The following CHRNA7 variants were observed in gnomAD, a reference collection of about 807,000 sequenced individuals.
CHRNA7 encodes the protein neuronal acetylcholine receptor subunit alpha-7.
CHRNA7 carries 17 observed loss-of-function variants against 48.0 expected under a neutral mutation model. The ratio of observed to expected loss-of-function variants is 0.35; its 90% confidence interval spans 0.24 to 0.53. The LOEUF (loss-of-function observed/expected upper bound fraction) is 0.53. Among genes scored for constraint, CHRNA7 ranks in the 20% least tolerant of loss-of-function variants. CHRNA7 has a pLI of 0.92. For synonymous variants in CHRNA7, 75 were observed against 242.3 expected, an observed-to-expected ratio of 0.31 and a Z score of 6.41; for missense variants, 155 against 577.7, an observed-to-expected ratio of 0.27 and a Z score of 7.50.
At chr15:32,152,951 G>A (rs1348539793) in intron 4 of CHRNA7, among the ~76,000 whole-genome samples, 1 of 152,082 alleles carries the variant, frequency 6.6e-6, no homozygotes, top group Non-Finnish European at 1.5e-5. Flanking sequence ...TTAACTCCTG[G>A]CTGCAGGAGG....
chr15:32,140,072 AG>A (rs1316792761), intron 4 of CHRNA7, among the ~76,000 whole-genome samples: 2 of 60,464 alleles, frequency 3.3e-5, no homozygotes, highest in African/African-American at 1.3e-4. Flanking sequence ...TCCCACCCCC[AG>A]CCCCCCACCC....
At chr15:32,074,634 TTAA>T (rs1232563719) in intron 2 of CHRNA7, among the ~76,000 whole-genome samples, 8 of 54,196 alleles carry the variant, frequency 1.5e-4, no homozygotes, top group East Asian at 5.7e-4. Flanking sequence ...AATCACATTA[TTAA>T]TATTATTATT....
intron 2 of CHRNA7, among the ~76,000 whole-genome samples, chr15:32,085,374 A>G (rs1251072390): frequency 2.0e-5 from 3 of 152,206 alleles, no homozygotes; most frequent in African/African-American, 7.2e-5. Context: ...GCTACTTTAT[A>G]TATTTTCTGT....
At position 32,169,019 on chromosome 15, in the gene CHRNA7, G is replaced by A. The variant is rs1415637377; in HGVS notation, c.*561G>A. 8.6e-6 allele frequency: 1 copy of A among 116,156 alleles called. No homozygotes were observed. The highest frequency in any genetic ancestry group is 1.9e-5 in the Non-Finnish European group (1 of 52,992). The allele number at this position is 116,156 out of a possible 1,614,324, so 7.2% of individuals were successfully genotyped here. A position where few individuals can be genotyped will look rare whatever the true frequency, so the allele number is the denominator to read the frequency against. On this transcript the variant is annotated 3_prime_UTR_variant, in exon 10 of 10. Coordinates refer to ENST00000306901, the MANE Select transcript of CHRNA7 (RefSeq NM_000746.6). ...AGACGGTAGAGAGAAACAGCTTGAT[G>A]CTGTTTCTACATTAAAAAAAAAAAA...
At chr15:32,063,091 G>T (rs1304791224) in intron 2 of CHRNA7, among the ~76,000 whole-genome samples, 1 of 152,164 alleles carries the variant, frequency 6.6e-6, no homozygotes, top group Admixed American at 6.5e-5. Flanking sequence ...TACATATACA[G>T]GGTAGTTACC....
chr15:32,051,174 T>C (rs10775173), intron 2 of CHRNA7, among the ~76,000 whole-genome samples: 131,527 of 149,282 alleles, frequency 0.88, 58,606 homozygotes, highest in South Asian at 0.95. Context: ...CTGCTCTCCT[T>C]AAAGCTGTCA....
rs35818203 is a variant in CHRNA7, at chr15:32,139,581, G to GTT, written c.351-14314_351-14313dup. ...CTAATAGATGCGTAGTGGTGTCTCA[G>GTT]TTTTTTTTTTTTTAATTTGTATTAA... On this transcript the variant is annotated intron_variant, in intron 4 of 9. Coordinates refer to ENST00000306901, the MANE Select transcript of CHRNA7 (RefSeq NM_000746.6). Among the ~76,000 whole-genome samples the GTT allele has an allele frequency of 2.3e-3, 346 of 147,554 alleles. 2 individuals are homozygous for GTT. Among genetic ancestry groups the GTT allele is most frequent in the South Asian group, 9.8e-3 (46 of 4,676 alleles).
rs533917854 is a variant in CHRNA7, at chr15:32,085,723, G to GA, written c.196-15578dup. Among the ~76,000 whole-genome samples the GA allele has an allele frequency of 3.7e-3, 566 of 152,358 alleles. 4 individuals carry two copies. Among genetic ancestry groups the GA allele is most frequent in the African/African-American group, 0.013 (532 of 41,586 alleles). The stretch of plus-strand genomic sequence containing the variant: ...GACACCTGATAGTAATTACTCCAAT[G>GA]AAGTAGTGTCAGTAATGACATTGTC... On this transcript the variant is annotated intron_variant, in intron 2 of 9. Transcript: ENST00000306901.
chr15:32,039,215 T>G (rs966980442), intron 2 of CHRNA7, among the ~76,000 whole-genome samples: 6 of 152,194 alleles, frequency 3.9e-5, no homozygotes, highest in Non-Finnish European at 8.8e-5. Flanking sequence ...AAACAGATTT[T>G]GTTTTTGTTC....
At chr15:32,124,290 A>G (rs1205967840) in intron 4 of CHRNA7, among the ~76,000 whole-genome samples, 1 of 152,206 alleles carries the variant, frequency 6.6e-6, no homozygotes, top group East Asian at 1.9e-4. Flanking sequence ...GTAAAAAGGG[A>G]CAAAATGAAT....
rs1387415311 is a variant in CHRNA7 at position 32,155,734 on chromosome 15, TCAGGA to T, written c.430+1756_430+1760del. 3.4e-5 allele frequency among the ~76,000 whole-genome samples: 4 copies of T among 117,536 alleles called. 1 individual carries two copies. The highest frequency in any genetic ancestry group is 7.5e-5 in the Non-Finnish European group (4 of 53,028). The allele number at this position is 117,536 out of a possible 152,430, so 77.1% of individuals were successfully genotyped here. A position where few individuals can be genotyped will look rare whatever the true frequency, so the allele number is the denominator to read the frequency against. ...CCACTGCAGTGGCCCTGGATTCCGGTCAGGACAGGACACGTTGTCTTGTGACCATG... is the reference window on the plus strand; with the variant it reads ...CCACTGCAGTGGCCCTGGATTCCGGTCAGGACACGTTGTCTTGTGACCATG... On this transcript the variant is annotated intron_variant, in intron 5 of 9. Coordinates refer to ENST00000306901, the MANE Select transcript of CHRNA7 (RefSeq NM_000746.6).
chr15:32,084,404 G>A (rs968412196), intron 2 of CHRNA7, among the ~76,000 whole-genome samples: 5 of 152,170 alleles, frequency 3.3e-5, no homozygotes, highest in Admixed American at 6.5e-5. Context: ...TGTGTTCCTC[G>A]TTTGGAGTTC....
At chr15:32,136,000 C>A (rs1389403988) in intron 4 of CHRNA7, among the ~76,000 whole-genome samples, 1 of 152,082 alleles carries the variant, frequency 6.6e-6, no homozygotes, top group Non-Finnish European at 1.5e-5. Context: ...ACCTGATGGG[C>A]AAAATCAAGA....
chr15:32,108,564 A>G (rs1209943595), intron 3 of CHRNA7, among the ~76,000 whole-genome samples: 2 of 152,152 alleles, frequency 1.3e-5, no homozygotes, highest in African/African-American at 4.8e-5. Flanking sequence ...GGAAACCGTC[A>G]TGGGAGCCTG....
At chr15:32,062,316 TTTAAA>T (rs2049892367) in intron 2 of CHRNA7, among the ~76,000 whole-genome samples, 1 of 152,228 alleles carries the variant, frequency 6.6e-6, no homozygotes, top group East Asian at 1.9e-4. Context: ...ATCATTTTTG[TTTAAA>T]TTAATATATA....
chr15:32,039,816 C>G (rs531631207), intron 2 of CHRNA7, among the ~76,000 whole-genome samples: 6 of 152,050 alleles, frequency 3.9e-5, no homozygotes, highest in Non-Finnish European at 5.9e-5. Context: ...TTTCTGCTTG[C>G]TGGTTCTTCA....
intron 4 of CHRNA7, among the ~76,000 whole-genome samples, chr15:32,131,706 GT>G (rs1474759417): frequency 1.3e-5 from 2 of 152,130 alleles, no homozygotes; most frequent in East Asian, 3.9e-4. Flanking sequence ...TAAAGTTGAG[GT>G]TTTTTTCTTG....
At chr15:32,120,176 C>T (rs566100938) in intron 4 of CHRNA7, among the ~76,000 whole-genome samples, 5 of 152,290 alleles carry the variant, frequency 3.3e-5, no homozygotes, top group East Asian at 3.9e-4. Context: ...GCCACTTGCC[C>T]GAGGTCACTC....
At chr15:32,035,313 A>T (rs1902032382) in intron 2 of CHRNA7, among the ~76,000 whole-genome samples, 1 of 152,224 alleles carries the variant, frequency 6.6e-6, no homozygotes, top group Non-Finnish European at 1.5e-5. Context: ...TCTGAAGGCC[A>T]TTCTAAGTGA....
Sources: allele counts gnomAD v4.1 joint callset (sites outside exome capture counted in the v4.1 genomes callset), GRCh38; gene constraint gnomAD v4.1.1; transcripts MANE v1.5; gene names NCBI Gene and HGNC (gene_info 2026-07-23, HGNC 2026-07-21).